Variants in MYLK observed in about 807,000 individuals in gnomAD.
The protein encoded by MYLK is myosin light chain kinase.
In MYLK, 106 loss-of-function variants were observed where a neutral mutation model predicts 203.4. That is an observed-to-expected ratio of 0.52 (90% CI 0.45 to 0.61). The LOEUF (loss-of-function observed/expected upper bound fraction) is 0.61, where lower values mean the gene tolerates loss of function less well. MYLK is among the 20% of genes least tolerant of loss of function. The pLI, the probability that MYLK is intolerant of heterozygous loss-of-function variation, is 0.00. For missense variants in MYLK, 2,072 were observed against 2,442.3 expected, an observed-to-expected ratio of 0.85 and a Z score of 3.20; for synonymous variants, 867 against 959.5, an observed-to-expected ratio of 0.90 and a Z score of 1.78.
At chr3:123,875,308 T>C (rs975897736) in intron 2 of MYLK, among the ~76,000 whole-genome samples, 5 of 152,154 alleles carry the variant, frequency 3.3e-5, no homozygotes, top group African/African-American at 1.2e-4. Flanking sequence ...CCTATTGATA[T>C]ACCCACCACC....
chr3:123,710,822 A>G (rs2061663868), intron 13 of MYLK, among the ~76,000 whole-genome samples: 1 of 152,260 alleles, frequency 6.6e-6, no homozygotes, highest in African/African-American at 2.4e-5. Context: ...GAAATGACCC[A>G]AATGTCCATT....
In MYLK at chr3:123,643,330, T is replaced by C. The variant is rs116419980; in HGVS notation, c.4620-2826A>G. The stretch of plus-strand genomic sequence containing the variant: ...GTTTACATTTAAATTTTAAATATTC[T>C]GAAAAAGCAAGCAACCATTGTTTTC... On this transcript the variant is annotated intron_variant, in intron 27 of 33. Transcript: ENST00000360304. Among the ~76,000 whole-genome samples the C allele has an allele frequency of 4.6e-3, 702 of 152,282 alleles. 3 individuals carry two copies. Among genetic ancestry groups the C allele is most frequent in the Non-Finnish European group, 7.5e-3 (508 of 68,040 alleles).
At chr3:123,630,842 C>T (rs937008777) in intron 29 of MYLK, 9 of 152,202 alleles carry the variant, frequency 5.9e-5, no homozygotes, top group Non-Finnish European at 1.3e-4. Context: ...TTGTGGCTTA[C>T]TGACCTTACC....
intron 4 of MYLK, among the ~76,000 whole-genome samples, chr3:123,775,010 G>C (rs1463783112): frequency 1.3e-5 from 2 of 152,014 alleles, no homozygotes; most frequent in Non-Finnish European, 2.9e-5. Context: ...AGATGGAAAA[G>C]ACAGATTCAA....
At chr3:123,879,880 T>C (rs1560313193) in intron 1 of MYLK, among the ~76,000 whole-genome samples, 1 of 152,148 alleles carries the variant, frequency 6.6e-6, no homozygotes, top group Admixed American at 6.5e-5. Context: ...GGTCTCAATC[T>C]CCTCACCTTG....
chr3:123,696,152 G>A (rs934048659), intron 18 of MYLK, among the ~76,000 whole-genome samples: 1 of 152,204 alleles, frequency 6.6e-6, no homozygotes, highest in African/African-American at 2.4e-5. Flanking sequence ...TCCTGTTTGG[G>A]TGGGGGTCTG....
intron 19 of MYLK, among the ~76,000 whole-genome samples, chr3:123,683,608 T>C (rs1317725868): frequency 2.6e-5 from 4 of 152,174 alleles, no homozygotes; most frequent in Admixed American, 2.6e-4. Flanking sequence ...CCGATAGGCT[T>C]TCTTCCCAAC....
intron 3 of MYLK, among the ~76,000 whole-genome samples, chr3:123,829,925 T>C (rs929138258): frequency 1.3e-5 from 2 of 152,176 alleles, no homozygotes; most frequent in Non-Finnish European, 2.9e-5. Flanking sequence ...AAGAAAGGAA[T>C]ACTGGGTGAG....
intron 2 of MYLK, among the ~76,000 whole-genome samples, chr3:123,842,697 T>G (rs950678402): frequency 6.6e-6 from 1 of 152,256 alleles, no homozygotes; most frequent in African/African-American, 2.4e-5. Flanking sequence ...AACTGCCTTA[T>G]TCATTTGTAC....
At chr3:123,744,846 T>G (rs1003330755) in intron 5 of MYLK, among the ~76,000 whole-genome samples, 3 of 152,182 alleles carry the variant, frequency 2.0e-5, no homozygotes, top group Non-Finnish European at 4.4e-5. Flanking sequence ...GCAATAAAAC[T>G]CAATAAGATG....
intron 3 of MYLK, chr3:123,831,279 ATC>A: frequency 1.0e-6 from 1 of 988,124 alleles, no homozygotes. Context: ...CAGGCCCTTA[ATC>A]TTGTTTCCTG....
chr3:123,722,505 G>A (rs1335927164), intron 12 of MYLK, among the ~76,000 whole-genome samples: 2 of 152,204 alleles, frequency 1.3e-5, no homozygotes, highest in Non-Finnish European at 2.9e-5. Flanking sequence ...GGGAGTAATT[G>A]TGTGGTGGAG....
At chr3:123,748,796 C>T (rs1053489909) in intron 5 of MYLK, among the ~76,000 whole-genome samples, 1 of 152,128 alleles carries the variant, frequency 6.6e-6, no homozygotes, top group African/African-American at 2.4e-5. Context: ...TAAGGCCGGG[C>T]ACGGTGGCTC....
chr3:123,816,503 C>G (rs1375318555), intron 3 of MYLK, among the ~76,000 whole-genome samples: 1 of 152,180 alleles, frequency 6.6e-6, no homozygotes, highest in Non-Finnish European at 1.5e-5. Context: ...GCGACAGAGT[C>G]AACATTAAAC....
Position 123,648,843 on chromosome 3 carries a change from G to A in MYLK, c.4415+128C>T. 2.5e-6 allele frequency: 2 copies of A among 803,438 alleles called. No homozygotes were observed. Among genetic ancestry groups the A allele is most frequent in the Non-Finnish European group, 4.3e-6 (2 of 466,322 alleles). The allele number at this position is 803,438 out of a possible 1,614,324, so 49.8% of individuals were successfully genotyped here. On this transcript the variant is annotated intron_variant, in intron 26 of 33. Transcript: ENST00000360304. This position sits in a 1 kb window ranked among gnomAD's most constrained non-coding sequence, Gnocchi z 4.5. The stretch of plus-strand genomic sequence containing the variant: ...TTCGTGGGTCAGTCCTTTGGATCCT[G>A]CAGGACTCTCAGTCTGGGGAGGAGG...
chr3:123,789,659 CAAAAAAA>C (rs745766578), intron 4 of MYLK, among the ~76,000 whole-genome samples: 2 of 78,718 alleles, frequency 2.5e-5, no homozygotes, highest in Non-Finnish European at 5.0e-5. Context: ...GCTGGCAAAG[CAAAAAAA>C]AAAAAAAAAA....
intron 28 of MYLK, among the ~76,000 whole-genome samples, chr3:123,639,442 G>A (rs1298181173): frequency 6.6e-6 from 1 of 152,190 alleles, no homozygotes; most frequent in East Asian, 1.9e-4. Flanking sequence ...CCTGCAGGGT[G>A]GTGAAATAAA....
chr3:123,700,698 C>T lies in MYLK; in HGVS notation c.2770G>A (p.Asp924Asn), dbSNP rs1346371704. Reference protein sequence around the residue: ...DLKEIPAEQMDFRANLQRQVK... With the variant: ...DLKEIPAEQMNFRANLQRQVK... ...TGCCGCTGCAGGTTGGCACGGAAATCCATCTGCTCGGCTGGGATCTCCTTC... is the reference window on the plus strand; with the variant it reads ...TGCCGCTGCAGGTTGGCACGGAAATTCATCTGCTCGGCTGGGATCTCCTTC... Residue 924 changes from aspartate to asparagine, a missense_variant, in exon 18 of 34, where the codon GAT becomes AAT. Asp to Asn is a conservative substitution (Grantham distance 23). This residue lies in a region of MYLK where 865 missense variants were observed against 1,016.0 expected (regional missense o/e 0.85). Coordinates refer to ENST00000360304, the MANE Select transcript of MYLK (RefSeq NM_053025.4). 1 of 1,614,064 alleles carries T rather than the reference C, an allele frequency of 6.2e-7. No individual in the cohort carries two copies.
At chr3:123,748,321 C>T (rs2063083144) in intron 5 of MYLK, among the ~76,000 whole-genome samples, 1 of 152,230 alleles carries the variant, frequency 6.6e-6, no homozygotes, top group South Asian at 2.1e-4. Flanking sequence ...AATCACCTCC[C>T]ACCAGGCCCT....
Sources: allele counts gnomAD v4.1 joint callset (sites outside exome capture counted in the v4.1 genomes callset), GRCh38; gene constraint gnomAD v4.1.1; regional missense constraint gnomAD v4.1.1; non-coding constraint Gnocchi (gnomAD v3.1); transcripts MANE v1.5; gene names NCBI Gene and HGNC (gene_info 2026-07-23, HGNC 2026-07-21).